The following ARV1 variants were observed in gnomAD, a reference collection of about 807,000 sequenced individuals.
ARV1 encodes the protein ARV1 fatty acid homeostasis modulator, also known as protein ARV1.
ARV1 carries 26 observed loss-of-function variants against 31.1 expected under a neutral mutation model. The ratio of observed to expected loss-of-function variants is 0.84; its 90% CI spans 0.61 to 1.16. The LOEUF is 1.16. Ranked by LOEUF, ARV1 falls within the 50% of genes most tolerant of loss-of-function variation. ARV1 has a pLI of 0.00. For synonymous variants in ARV1, 117 were observed against 123.2 expected (o/e 0.95, Z 0.34); for missense variants, 281 against 324.9 (o/e 0.86, Z 1.04).
At chr1:230,990,461 A>G in intron 3 of ARV1, 198 bp downstream of exon 3, 2 of 582,754 alleles carry the variant, frequency 3.4e-6, no homozygotes, top group Non-Finnish European at 5.9e-6. Flanking sequence ...ATTTGTTACC[A>G]CGTATATGGT....
At position 230,997,271 on chromosome 1, in the gene ARV1, C is replaced by T. The variant is rs574464785; in HGVS notation, c.*4+4C>T. On this transcript the variant is annotated splice_donor_region_variant and intron_variant, in intron 5 of 5. Coordinates refer to ENST00000310256, the MANE Select transcript of ARV1 (RefSeq NM_022786.3). ...AAATCTCAGGACTTCTGAAGAGGTACTGAAAGCATGTAGTGTTCATGCATT... is the reference window on the plus strand; with the variant it reads ...AAATCTCAGGACTTCTGAAGAGGTATTGAAAGCATGTAGTGTTCATGCATT... 1 of 1,613,404 alleles carries T rather than the reference C, an allele frequency of 6.2e-7. No individual in the cohort carries two copies. Among genetic ancestry groups the T allele is most frequent in the Admixed American group, 1.7e-5 (1 of 59,974 alleles).
chr1:230,986,437 G>C (rs1252091592), intron 1 of ARV1, among the ~76,000 whole-genome samples: 1 of 152,000 alleles, frequency 6.6e-6, no homozygotes, highest in African/African-American at 2.4e-5. Context: ...GTAATTAAAA[G>C]GCCAGCCTAG....
chr1:230,994,936 T>C (rs1348576611), intron 3 of ARV1, among the ~76,000 whole-genome samples: 2 of 152,232 alleles, frequency 1.3e-5, no homozygotes, highest in Non-Finnish European at 2.9e-5. Context: ...TTGTTTCTGC[T>C]GTAATATAAT....
intron 3 of ARV1, among the ~76,000 whole-genome samples, chr1:230,991,130 T>A (rs1410318586): frequency 1.3e-5 from 2 of 152,214 alleles, no homozygotes; most frequent in Non-Finnish European, 2.9e-5. Flanking sequence ...GTTATTGTTT[T>A]CCTAGTGTCA....
intron 3 of ARV1, among the ~76,000 whole-genome samples, chr1:230,991,948 C>T (rs1395330931): frequency 1.3e-5 from 2 of 152,140 alleles, no homozygotes; most frequent in Admixed American, 6.6e-5. Flanking sequence ...TATTATACTA[C>T]TGCTACCCTC....
At chr1:230,994,629 C>T (rs1414404920) in intron 3 of ARV1, among the ~76,000 whole-genome samples, 2 of 151,808 alleles carry the variant, frequency 1.3e-5, no homozygotes, top group Non-Finnish European at 2.9e-5. Flanking sequence ...GCAAGCTCCG[C>T]CTCCCGGGTT....
intron 3 of ARV1, among the ~76,000 whole-genome samples, chr1:230,991,925 G>A (rs1287796324): frequency 6.6e-5 from 10 of 152,150 alleles, no homozygotes; most frequent in African/African-American, 2.4e-4. Flanking sequence ...ACTGCGCCCA[G>A]CCACACTTCT....
At chr1:230,999,286 T>G (rs1679460284) in intron 5 of ARV1, among the ~76,000 whole-genome samples, 1 of 152,096 alleles carries the variant, frequency 6.6e-6, no homozygotes, top group African/African-American at 2.4e-5. Flanking sequence ...CTGATAACGT[T>G]TCTCTTGAAA....
chr1:230,996,619 T>G (rs906162614), intron 4 of ARV1, among the ~76,000 whole-genome samples: 3 of 151,992 alleles, frequency 2.0e-5, no homozygotes, highest in African/African-American at 7.3e-5. Flanking sequence ...TAAATTTTTG[T>G]AGAGACAGGG....
intron 2 of ARV1, among the ~76,000 whole-genome samples, 191 bp downstream of exon 2, chr1:230,988,630 A>G (rs10779805): frequency 0.33 from 49,778 of 151,772 alleles, 8,386 homozygotes; most frequent in Middle Eastern, 0.57. Context: ...AAAGGTGCAC[A>G]ATGCTTAGTG....
At chr1:230,991,631 CT>C (rs35843547) in intron 3 of ARV1, among the ~76,000 whole-genome samples, 1,584 of 132,994 alleles carry the variant, frequency 0.012, 27 homozygotes, top group African/African-American at 0.04. Context: ...AGTACTTCTA[CT>C]TTTTTTTTTT....
At chr1:230,990,035 A>C (rs1360319651) in intron 2 of ARV1, 75 bp from the exon 3 acceptor site, 1 of 1,427,100 alleles carries the variant, frequency 7.0e-7, no homozygotes, top group Non-Finnish European at 9.3e-7. Context: ...GGATGCCACA[A>C]ATACTCTGTA....
chr1:230,997,021 TCCAAAAACAG>T, intron 4 of ARV1, 90 bp from the exon 5 acceptor site: 1 of 1,401,342 alleles, frequency 7.1e-7, no homozygotes. Context: ...CATTGATTTT[TCCAAAAACAG>T]CTTTACAAAA....
intron 1 of ARV1, among the ~76,000 whole-genome samples, chr1:230,980,824 G>T (rs1471278815): frequency 6.7e-6 from 1 of 148,848 alleles, no homozygotes; most frequent in East Asian, 2.0e-4. Flanking sequence ...TCCCCCTTTA[G>T]CTTCTGCTCT....
intron 1 of ARV1, among the ~76,000 whole-genome samples, chr1:230,985,532 A>G (rs181926382): frequency 6.6e-6 from 1 of 152,362 alleles, no homozygotes; most frequent in East Asian, 1.9e-4. Context: ...TGTCAAACAA[A>G]TGAATGCAAA....
intron 1 of ARV1, among the ~76,000 whole-genome samples, chr1:230,986,489 A>T (rs565631312): frequency 6.6e-6 from 1 of 151,926 alleles, no homozygotes; most frequent in Admixed American, 6.6e-5. Flanking sequence ...ATCTTCTCAG[A>T]GTTTCCAAAT....
intron 2 of ARV1, among the ~76,000 whole-genome samples, chr1:230,989,819 G>A (rs1326000927): frequency 6.6e-6 from 1 of 152,168 alleles, no homozygotes; most frequent in Non-Finnish European, 1.5e-5. Context: ...GTGCACATTA[G>A]AATCCCCCCA....
At chr1:230,979,361 TAC>T in intron 1 of ARV1, 82 bp downstream of exon 1, 3 of 1,498,088 alleles carry the variant, frequency 2.0e-6, no homozygotes, top group Non-Finnish European at 1.8e-6. Context: ...GGTCCTCTGA[TAC>T]AGTCTTTAGT....
Position 230,979,293 on chromosome 1 carries a change from T to C in ARV1, c.174+14T>C. ...ATAACCATCTGTGTGAGTTGTCAGGTGTGGGGTGCCCTTGAGAAGAAAATG... is the reference window on the plus strand; with the variant it reads ...ATAACCATCTGTGTGAGTTGTCAGGCGTGGGGTGCCCTTGAGAAGAAAATG... On this transcript the variant is annotated intron_variant, in intron 1 of 5. Coordinates refer to ENST00000310256, the MANE Select transcript of ARV1 (RefSeq NM_022786.3). The C allele has an allele frequency of 6.2e-7, 1 of 1,611,828 alleles. No individual in the cohort carries two copies. Among genetic ancestry groups the C allele is most frequent in the Non-Finnish European group, 8.5e-7 (1 of 1,179,136 alleles).
Sources: allele counts gnomAD v4.1 joint callset (sites outside exome capture counted in the v4.1 genomes callset), GRCh38; gene constraint gnomAD v4.1.1; transcripts MANE v1.5; gene names NCBI Gene and HGNC (gene_info 2026-07-23, HGNC 2026-07-21).